HDAC9: variants seen among roughly 807,000 people sequenced by gnomAD.
HDAC9 encodes MEF-2 interacting transcription repressor (MITR) protein.
A neutral mutation model predicts 139.4 loss-of-function variants in HDAC9; 41 were observed. That is an observed-to-expected ratio of 0.29 (90% CI 0.23 to 0.38). HDAC9 has a LOEUF of 0.38. Ranked by LOEUF, HDAC9 falls within the 10% of genes least tolerant of loss-of-function variation. HDAC9 has a pLI of 1.00. For missense variants in HDAC9, 1,147 were observed against 1,297.0 expected, an observed-to-expected ratio of 0.88 and a Z score of 1.78; for synonymous variants, 517 against 476.2, an observed-to-expected ratio of 1.09 and a Z score of -1.12.
chr7:18,735,617 A>G (rs937701260), intron 13 of HDAC9, among the ~76,000 whole-genome samples: 3 of 152,180 alleles, frequency 2.0e-5, no homozygotes, highest in African/African-American at 4.8e-5. Context: ...TACCAGTACC[A>G]TGCTGTTTTT....
intron 25 of HDAC9, among the ~76,000 whole-genome samples, chr7:18,982,609 A>C (rs1055539269): frequency 3.3e-5 from 5 of 152,060 alleles, no homozygotes; most frequent in African/African-American, 1.2e-4. Context: ...ATTACCTCCA[A>C]AAAGTTTGCT....
intron 22 of HDAC9, among the ~76,000 whole-genome samples, chr7:18,885,488 C>T (rs1800072949): frequency 6.6e-6 from 1 of 152,100 alleles, no homozygotes; most frequent in Non-Finnish European, 1.5e-5. Flanking sequence ...GTTCTCATCC[C>T]TCTGAAACCA....
chr7:18,745,803 C>T (rs1477888552), intron 13 of HDAC9, among the ~76,000 whole-genome samples: 1 of 151,562 alleles, frequency 6.6e-6, no homozygotes, highest in African/African-American at 2.4e-5. Flanking sequence ...GCCTCGGCCT[C>T]CCAAAGTGCT....
chr7:18,529,610 G>T (rs894983115), intron 2 of HDAC9, among the ~76,000 whole-genome samples: 1 of 152,136 alleles, frequency 6.6e-6, no homozygotes, highest in Non-Finnish European at 1.5e-5. Flanking sequence ...ACTGATAATT[G>T]TGTGTATTTC....
chr7:18,584,906 G>A (rs1764577875), intron 2 of HDAC9, among the ~76,000 whole-genome samples: 1 of 147,992 alleles, frequency 6.8e-6, no homozygotes, highest in Non-Finnish European at 1.5e-5. Context: ...TTCTCTCTTA[G>A]GGCATCTTTT....
intron 2 of HDAC9, among the ~76,000 whole-genome samples, chr7:18,217,457 T>A (rs898840669): frequency 2.6e-5 from 4 of 152,202 alleles, no homozygotes; most frequent in Non-Finnish European, 5.9e-5. Flanking sequence ...TTCACTTTTT[T>A]AAAAGGTATT....
At chr7:18,213,758 G>A (rs1322949641) in intron 2 of HDAC9, among the ~76,000 whole-genome samples, 1 of 152,088 alleles carries the variant, frequency 6.6e-6, no homozygotes, top group Non-Finnish European at 1.5e-5. Context: ...CCACTTCTTG[G>A]AAAAGCGTAT....
intron 1 of HDAC9, among the ~76,000 whole-genome samples, chr7:18,370,017 C>G (rs1416673459): frequency 6.6e-6 from 1 of 152,040 alleles, no homozygotes; most frequent in African/African-American, 2.4e-5. Flanking sequence ...TTAAGACTTA[C>G]TTTTCCAGTT....
intron 11 of HDAC9, among the ~76,000 whole-genome samples, chr7:18,654,972 T>C (rs1459780237): frequency 6.6e-6 from 1 of 152,168 alleles, no homozygotes; most frequent in Non-Finnish European, 1.5e-5. Flanking sequence ...CATTCCTTTC[T>C]CGCATGTTGT....
At chr7:18,177,420 A>G (rs1253100037) in intron 2 of HDAC9, among the ~76,000 whole-genome samples, 4 of 152,156 alleles carry the variant, frequency 2.6e-5, no homozygotes, top group Non-Finnish European at 5.9e-5. Flanking sequence ...TTTAAGGTAT[A>G]TAAGAACCCG....
intron 16 of HDAC9, among the ~76,000 whole-genome samples, chr7:18,767,795 C>A (rs1372318233): frequency 1.3e-5 from 2 of 152,104 alleles, no homozygotes; most frequent in African/African-American, 2.4e-5. Flanking sequence ...TTAAAGTTAA[C>A]CCTTACCAGT....
intron 17 of HDAC9, among the ~76,000 whole-genome samples, chr7:18,824,971 G>A (rs1375473980): frequency 2.0e-5 from 3 of 152,194 alleles, no homozygotes; most frequent in Admixed American, 6.5e-5. Context: ...GAAAAGATAG[G>A]GAGAAGGTGC....
intron 1 of HDAC9, among the ~76,000 whole-genome samples, chr7:18,464,903 A>G (rs1255049597): frequency 6.6e-6 from 1 of 152,130 alleles, no homozygotes; most frequent in African/African-American, 2.4e-5. Context: ...TTCTGAAATC[A>G]CTAAACTTTC....
chr7:18,698,319 T>C (rs1225568199), intron 12 of HDAC9, among the ~76,000 whole-genome samples: 1 of 152,198 alleles, frequency 6.6e-6, no homozygotes, highest in Non-Finnish European at 1.5e-5. Flanking sequence ...TTTATCCGTT[T>C]GAGATCAGTT....
chr7:18,986,929 CTT>C (rs1198852180), intron 25 of HDAC9, among the ~76,000 whole-genome samples: 2 of 152,176 alleles, frequency 1.3e-5, no homozygotes, highest in Non-Finnish European at 2.9e-5. Context: ...TATCCTGAGA[CTT>C]TGCTGAAGTT....
chr7:18,258,099 C>T (rs1795402186), intron 2 of HDAC9, among the ~76,000 whole-genome samples: 2 of 152,174 alleles, frequency 1.3e-5, no homozygotes, highest in South Asian at 2.1e-4. Flanking sequence ...TTTCCCTTAA[C>T]TGAGTTTAGA....
intron 22 of HDAC9, among the ~76,000 whole-genome samples, chr7:18,915,717 A>T (rs911581479): frequency 2.7e-4 from 41 of 151,828 alleles, no homozygotes; most frequent in Middle Eastern, 3.4e-3. Flanking sequence ...TTCAGAGCTG[A>T]TGTCTGACAG....
chr7:18,789,154 C>G (rs889824088), intron 16 of HDAC9, among the ~76,000 whole-genome samples: 27 of 152,188 alleles, frequency 1.8e-4, no homozygotes, highest in African/African-American at 6.5e-4. Context: ...ACCACAAAAT[C>G]TGTATTTTTA....
chr7:18,199,033 ATCT>A (rs1790918676), intron 2 of HDAC9, among the ~76,000 whole-genome samples: 1 of 152,262 alleles, frequency 6.6e-6, no homozygotes, highest in East Asian at 1.9e-4. Context: ...TCAGGAAACA[ATCT>A]TCTGCCTTGA....
Sources: gnomAD v4.1 joint callset for allele counts (sites outside exome capture counted in the v4.1 genomes callset) on GRCh38, gnomAD v4.1.1 for gene constraint, MANE v1.5 for transcripts, NCBI Gene and HGNC (gene_info 2026-07-23, HGNC 2026-07-21) for gene names.